The following TRDN variants were observed in gnomAD, a reference collection of about 807,000 sequenced individuals.
The protein encoded by TRDN is triadin.
In TRDN, 161 loss-of-function variants were observed where a neutral mutation model predicts 149.7. The observed-to-expected ratio is 1.08, with a 90% CI of 0.95 to 1.23. The LOEUF (loss-of-function observed/expected upper bound fraction) is 1.23, where lower values mean the gene tolerates loss of function less well. Among genes scored for constraint, TRDN ranks in the 50% most tolerant of loss-of-function variants. The probability of loss-of-function intolerance (pLI) is 0.00; values close to 1 mark genes in which losing one functional copy is unlikely to be tolerated. For synonymous variants in TRDN, 294 were observed against 250.5 expected (o/e 1.17, Z -1.64); for missense variants, 896 against 823.5 (o/e 1.09, Z -1.08).
intron 2 of TRDN, among the ~76,000 whole-genome samples, chr6:123,559,632 A>T (rs1002325090): frequency 6.6e-6 from 1 of 152,156 alleles, no homozygotes; most frequent in Non-Finnish European, 1.5e-5. Context: ...ATCCCACAGC[A>T]TGCTTTGAAA....
intron 29 of TRDN, among the ~76,000 whole-genome samples, chr6:123,271,823 G>A (rs1472179789): frequency 6.6e-6 from 1 of 152,028 alleles, no homozygotes; most frequent in Non-Finnish European, 1.5e-5. Context: ...GGATAACAGA[G>A]AATTTAAAGA....
At chr6:123,252,763 G>T (rs370014564) in intron 37 of TRDN, among the ~76,000 whole-genome samples, 2 of 152,086 alleles carry the variant, frequency 1.3e-5, no homozygotes, top group African/African-American at 4.8e-5. Context: ...TGGTATTACA[G>T]GTGTGAGTTA....
At chr6:123,289,592 T>C (rs1303539875) in intron 24 of TRDN, among the ~76,000 whole-genome samples, 52 of 152,082 alleles carry the variant, frequency 3.4e-4, no homozygotes, top group Admixed American at 3.4e-3. Context: ...ATGACAACAC[T>C]CAGGAGTTAC....
At chr6:123,415,856 C>T (rs1773627494) in intron 12 of TRDN, among the ~76,000 whole-genome samples, 1 of 152,168 alleles carries the variant, frequency 6.6e-6, no homozygotes, top group African/African-American at 2.4e-5. Flanking sequence ...AAAGATTCCT[C>T]AAAGCACAGA....
intron 1 of TRDN, among the ~76,000 whole-genome samples, chr6:123,598,739 C>T (rs975000036): frequency 7.2e-5 from 11 of 152,030 alleles, no homozygotes; most frequent in Admixed American, 1.3e-4. Context: ...GACCATACAG[C>T]CCACAAAACC....
At chr6:123,516,484 G>T (rs1779416611) in intron 5 of TRDN, among the ~76,000 whole-genome samples, 1 of 151,998 alleles carries the variant, frequency 6.6e-6, no homozygotes, top group Non-Finnish European at 1.5e-5. Context: ...ATCTTTAATT[G>T]AAATAATTGG....
At chr6:123,349,485 T>C (rs1468772136) in intron 21 of TRDN, 2 of 889,188 alleles carry the variant, frequency 2.2e-6, no homozygotes, top group African/African-American at 3.6e-5. Flanking sequence ...TATAATATTA[T>C]CATAATTTAA....
rs1775451705 is a variant in TRDN at position 123,447,415 on chromosome 6, G to A, written c.932-8412C>T. ...GACTTTGAGAAACAGTAGACGTGAA[G>A]CATGTGGGAATCAAGAGAGACATGC... is the stretch of plus-strand genomic sequence containing the variant. On this transcript the variant is annotated intron_variant, in intron 10 of 40. Coordinates refer to ENST00000334268, the MANE Select transcript of TRDN (RefSeq NM_006073.4). Among the ~76,000 whole-genome samples the A allele has an allele frequency of 2.0e-5, 3 of 152,302 alleles. No homozygotes were observed. In the South Asian group the frequency reaches 6.2e-4, roughly 32 times the overall value.
At chr6:123,499,946 AAG>A (rs1209138743) in intron 8 of TRDN, among the ~76,000 whole-genome samples, 2 of 151,532 alleles carry the variant, frequency 1.3e-5, no homozygotes, top group Non-Finnish European at 2.9e-5. Flanking sequence ...TTTTATATAA[AAG>A]ACTTGAACAT....
At chr6:123,521,437 C>T (rs1779673832) in intron 5 of TRDN, among the ~76,000 whole-genome samples, 1 of 151,904 alleles carries the variant, frequency 6.6e-6, no homozygotes, top group Non-Finnish European at 1.5e-5. Flanking sequence ...ACAGGGAGAG[C>T]ATCATTTGAA....
chr6:123,503,111 A>T, intron 8 of TRDN: 1 of 985,344 alleles, frequency 1.0e-6, no homozygotes. Flanking sequence ...AGAATGGCGA[A>T]ATATGTCACA....
intron 20 of TRDN, among the ~76,000 whole-genome samples, chr6:123,361,532 G>A (rs113844900): frequency 2.0e-5 from 3 of 152,030 alleles, no homozygotes; most frequent in Non-Finnish European, 1.5e-5. Flanking sequence ...AAAAAAGAGA[G>A]AGAGAGAGAT....
chr6:123,467,397 G>A (rs1776888669), intron 9 of TRDN, among the ~76,000 whole-genome samples: 1 of 151,718 alleles, frequency 6.6e-6, no homozygotes, highest in Non-Finnish European at 1.5e-5. Flanking sequence ...GGCATAAAGT[G>A]CAATATGCAG....
Position 123,312,793 on chromosome 6 carries a change from T to C in TRDN, c.1510+3664A>G, listed in dbSNP as rs537025080. On this transcript the variant is annotated intron_variant, in intron 24 of 40. Coordinates refer to ENST00000334268, the MANE Select transcript of TRDN (RefSeq NM_006073.4). ...CCTAGGGAACCCTTCACTAATATCA[T>C]TTCCTTGTAGCCATCTTTCGATAGC... 6.0e-4 allele frequency among the ~76,000 whole-genome samples: 91 copies of C among 152,148 alleles called. No homozygotes were observed. The South Asian group carries it at 6.4e-3, about 11-fold the overall frequency.
chr6:123,304,829 T>G (rs1778551817), intron 24 of TRDN, among the ~76,000 whole-genome samples: 1 of 152,178 alleles, frequency 6.6e-6, no homozygotes, highest in Non-Finnish European at 1.5e-5. Context: ...AAATAACTGA[T>G]AAAGATAATG....
intron 13 of TRDN, among the ~76,000 whole-genome samples, chr6:123,392,135 C>A (rs1772504777): frequency 6.6e-6 from 1 of 152,106 alleles, no homozygotes. Flanking sequence ...ATAATTCTAA[C>A]AAGACTTTGA....
At chr6:123,353,302 A>C (rs929915811) in intron 20 of TRDN, among the ~76,000 whole-genome samples, 1 of 151,878 alleles carries the variant, frequency 6.6e-6, no homozygotes, top group Non-Finnish European at 1.5e-5. Context: ...ATATCACCCC[A>C]CATAAAACTG....
At chr6:123,588,189 G>A (rs962872573) in intron 1 of TRDN, among the ~76,000 whole-genome samples, 1 of 152,204 alleles carries the variant, frequency 6.6e-6, no homozygotes, top group African/African-American at 2.4e-5. Context: ...TTTTCCGCAA[G>A]AGACAGCCTA....
chr6:123,317,674 T>C (rs1022265730), intron 23 of TRDN, among the ~76,000 whole-genome samples: 1 of 151,880 alleles, frequency 6.6e-6, no homozygotes, highest in African/African-American at 2.4e-5. Context: ...TTATAGAAAA[T>C]TTTGTTATTG....
Sources: gnomAD v4.1 joint callset for allele counts (sites outside exome capture counted in the v4.1 genomes callset) on GRCh38, gnomAD v4.1.1 for gene constraint, MANE v1.5 for transcripts, NCBI Gene and HGNC (gene_info 2026-07-23, HGNC 2026-07-21) for gene names.